MGAM: variants seen among roughly 807,000 people sequenced by gnomAD.
MGAM encodes alpha-1,4-glucosidase.
Under a neutral mutation model 358.8 loss-of-function variants are expected in MGAM, and 253 were observed. That is an observed-to-expected ratio of 0.71 (90% CI 0.64 to 0.78). The LOEUF is 0.78. MGAM is among the 30% of genes least tolerant of loss of function. The probability of loss-of-function intolerance (pLI) is 0.00; values close to 1 mark genes in which losing one functional copy is unlikely to be tolerated. For synonymous variants in MGAM, 1,105 were observed against 1,227.1 expected (o/e 0.90, Z 2.08); for missense variants, 3,080 against 3,432.6 (o/e 0.90, Z 2.57).
intron 67 of MGAM, 48 bp downstream of exon 67, chr7:142,099,785 A>G: frequency 6.2e-7 from 1 of 1,601,562 alleles, no homozygotes; most frequent in Non-Finnish European, 8.5e-7. Flanking sequence ...TTAGCTCAAC[A>G]ATTTGTAATG....
chr7:142,087,318 T>A (rs911301088), intron 57 of MGAM, among the ~76,000 whole-genome samples: 1 of 146,058 alleles, frequency 6.8e-6, no homozygotes, highest in Non-Finnish European at 1.5e-5. Flanking sequence ...TTGCTTGTAA[T>A]GGATCCAAGT....
rs192851507 is a variant in MGAM at position 142,001,050 on chromosome 7, T to C, written c.-2-4479T>C. The stretch of plus-strand genomic sequence containing the variant: ...CAGTGAACATAAGATTACTCTTTGC[T>C]TTATTAGTTAATTTAATTATACCAG... On this transcript the variant is annotated intron_variant, in intron 1 of 70. Coordinates refer to ENST00000475668, the MANE Select transcript of MGAM (RefSeq NM_001365693.1). Among the ~76,000 whole-genome samples the C allele has an allele frequency of 1.4e-4, 22 of 152,324 alleles. No homozygotes were observed. In the East Asian group the frequency reaches 3.9e-3, roughly 27 times the overall value.
In MGAM at chr7:142,076,378, T is replaced by C. The variant is rs375000903; in HGVS notation, c.5325+126T>C. 415 of 1,025,226 alleles carry C rather than the reference T, an allele frequency of 4.0e-4. 54 individuals carry two copies. In the Middle Eastern group the frequency reaches 4.3e-3, roughly 11 times the overall value. 63.5% of individuals were successfully genotyped at this position (1,025,226 alleles called of 1,614,324 possible). A position where few individuals can be genotyped will look rare whatever the true frequency, so the allele number is the denominator to read the frequency against. On this transcript the variant is annotated intron_variant, in intron 46 of 70. Transcript: ENST00000475668. The stretch of plus-strand genomic sequence containing the variant: ...GCATTATTGGCTATAGGTGAGCACA[T>C]TTCTATTTATGATTTCATCGATGTT...
chr7:142,102,235 G>A (rs1816503972), intron 68 of MGAM, among the ~76,000 whole-genome samples: 4 of 152,032 alleles, frequency 2.6e-5, no homozygotes, highest in Middle Eastern at 3.2e-3. Context: ...GCATATAAAT[G>A]TGTGTGTGGA....
In MGAM at chr7:142,071,047, C is replaced by T. The variant is rs765753129; in HGVS notation, c.5115C>T (p.Asp1705=). 20 of 1,556,306 alleles carry T rather than the reference C, an allele frequency of 1.3e-5. 4 individuals are homozygous for T. The highest frequency in any genetic ancestry group is 1.7e-5 in the Non-Finnish European group (19 of 1,132,608). The change falls in exon 44 of 71, where the codon GAC becomes GAT. Residue 1705 remains aspartate, a synonymous_variant. Coordinates refer to ENST00000475668, the MANE Select transcript of MGAM (RefSeq NM_001365693.1). ...GEWKTLPAPL[D]HINLHVRGGY... ...GGAAGACCTTGCCAGCCCCTCTTGA[C>T]CACATTAATCTTCATGTCCGTGGGG...
Position 142,027,155 on chromosome 7 carries a change from C to A in MGAM, c.1023C>A (p.Thr341=), listed in dbSNP as rs1807056097. The stretch of plus-strand genomic sequence containing the variant: ...CTGCGCCAGCCATCACTTACCGCAC[C>A]ATTGGGGGCATTCTCGACTTCTATG... ...LQPAPAITYR[T]IGGILDFYVF... is the part of the protein sequence containing the mutation. The change falls in exon 9 of 71, where the codon ACC becomes ACA. Residue 341 remains threonine (T), a synonymous_variant. Coordinates refer to ENST00000475668, the MANE Select transcript of MGAM (RefSeq NM_001365693.1). The A allele has an allele frequency of 3.7e-6, 6 of 1,613,634 alleles. No individual in the cohort carries two copies. The highest frequency in any genetic ancestry group is 1.1e-5 in the South Asian group (1 of 91,064).
chr7:142,055,816 G>A (rs1198565052), intron 28 of MGAM, 90 bp downstream of exon 28: 1 of 1,578,062 alleles, frequency 6.3e-7, no homozygotes, highest in African/African-American at 1.4e-5. Context: ...ACTCCACTTG[G>A]TCATCACATT....
chr7:142,058,836 C>T (rs1811816401), intron 31 of MGAM, among the ~76,000 whole-genome samples: 1 of 152,196 alleles, frequency 6.6e-6, no homozygotes, highest in Non-Finnish European at 1.5e-5. Context: ...CCTTATCCTT[C>T]AGTGGAGGAT....
chr7:142,019,651 C>T (rs1262721518), intron 4 of MGAM, among the ~76,000 whole-genome samples: 2 of 152,210 alleles, frequency 1.3e-5, no homozygotes, highest in African/African-American at 4.8e-5. Flanking sequence ...CTACTTCCAA[C>T]TGTAATTTTA....
Position 142,037,113 on chromosome 7 carries a change from C to T in MGAM, c.2231+136C>T. 3 of 892,844 alleles carry T rather than the reference C, an allele frequency of 3.4e-6. No homozygotes were observed. In the Admixed American group the frequency reaches 7.6e-5, roughly 23 times the overall value. 55.3% of individuals were successfully genotyped at this position (892,844 alleles called of 1,614,324 possible). On this transcript the variant is annotated intron_variant, in intron 18 of 70. Coordinates refer to ENST00000475668, the MANE Select transcript of MGAM (RefSeq NM_001365693.1). Reference sequence around the variant, plus strand: ...ATCTGTATCTATATCTGTAATCTAGCTATCTATATTCATTAATCTATCTAT... The same window carrying T: ...ATCTGTATCTATATCTGTAATCTAGTTATCTATATTCATTAATCTATCTAT...
At chr7:142,032,968 T>G in intron 14 of MGAM, 59 bp downstream of exon 14, 1 of 1,207,298 alleles carries the variant, frequency 8.3e-7, no homozygotes, top group South Asian at 1.4e-5. Context: ...TATAAATTCA[T>G]AAGGACAGAT....
At position 142,105,906 on chromosome 7, in the gene MGAM, A is replaced by T. The variant is rs182938702; in HGVS notation, c.*15A>T. The T allele has an allele frequency of 7.8e-5, 122 of 1,567,256 alleles. 1 individual carries two copies. The Admixed American group carries it at 2.0e-3, about 25-fold the overall frequency. ...GCACTCTGTGAATTTTTACAGCAAG[A>T]TTCTAACTAACTATGAATGACTTTG... On this transcript the variant is annotated 3_prime_UTR_variant, in exon 71 of 71. Coordinates refer to ENST00000475668, the MANE Select transcript of MGAM (RefSeq NM_001365693.1).
intron 40 of MGAM, 132 bp downstream of exon 40, chr7:142,065,963 G>GT (rs1218271387): frequency 4.3e-5 from 33 of 760,422 alleles, no homozygotes; most frequent in African/African-American, 8.6e-5. Flanking sequence ...GTTTTGTTTT[G>GT]TTTTGTTTTT....
At chr7:142,063,144 G>A (rs1014599037) in intron 35 of MGAM, among the ~76,000 whole-genome samples, 2 of 152,054 alleles carry the variant, frequency 1.3e-5, no homozygotes, top group African/African-American at 4.8e-5. Context: ...TTTGCAGTGA[G>A]CCAGGATCGC....
Position 142,093,505 on chromosome 7 carries a change from A to G in MGAM, c.7127A>G (p.Asn2376Ser). ...LPDGSPVQHYNVHNLYGWSQT... is the reference protein window; with the variant it reads ...LPDGSPVQHYSVHNLYGWSQT... ...GACGGCTCCCCGGTGCAGCACTACA[A>G]TGTGCACAACCTGTACGGGTGGTCC... The change falls in exon 60 of 71, where the codon AAT becomes AGT. Residue 2376 changes from asparagine to serine, a missense_variant. Around this residue, in one of 5 missense-constraint regions of MGAM, gnomAD observed 932 missense variants for 1,198.2 expected, o/e 0.78. Coordinates refer to ENST00000475668, the MANE Select transcript of MGAM (RefSeq NM_001365693.1). The G allele has an allele frequency of 1.3e-6, 2 of 1,510,896 alleles. No homozygotes were observed. Among genetic ancestry groups the G allele is most frequent in the South Asian group, 2.4e-5 (2 of 83,278 alleles). 93.6% of individuals were successfully genotyped at this position (1,510,896 alleles called of 1,614,324 possible). A position where few individuals can be genotyped will look rare whatever the true frequency, so the allele number is the denominator to read the frequency against.
Position 142,086,278 on chromosome 7 carries a change from G to T in MGAM, c.6697G>T (p.Asp2233Tyr), listed in dbSNP as rs748936346. ...PYPAFTRGVE[D>Y]DVFIKYPNDG... ...TCCTGCCTTCACTCGGGGCGTGGAG[G>T]ATGACGTCTTCATCAAGTACCCAAA... The change falls in exon 56 of 71, where the codon GAT becomes TAT. Residue 2233 changes from aspartate to tyrosine, a missense_variant. Around this residue, in one of 5 missense-constraint regions of MGAM, gnomAD observed 932 missense variants for 1,198.2 expected, o/e 0.78. Coordinates refer to ENST00000475668, the MANE Select transcript of MGAM (RefSeq NM_001365693.1). 1 of 1,544,130 alleles carries T rather than the reference G, an allele frequency of 6.5e-7. No homozygotes were observed. Among genetic ancestry groups the T allele is most frequent in the South Asian group, 1.1e-5 (1 of 87,242 alleles).
At chr7:142,102,068 C>T (rs1489395677) in intron 68 of MGAM, among the ~76,000 whole-genome samples, 1 of 152,108 alleles carries the variant, frequency 6.6e-6, no homozygotes. Flanking sequence ...TGCTGAACTT[C>T]ATATTCTTCC....
chr7:142,041,390 T>C (rs1808520133), intron 21 of MGAM, among the ~76,000 whole-genome samples: 2 of 152,086 alleles, frequency 1.3e-5, no homozygotes, highest in South Asian at 2.1e-4. Context: ...CTCTTACTGC[T>C]TTAATTTTCC....
chr7:142,018,249 C>T (rs782361327), intron 3 of MGAM, among the ~76,000 whole-genome samples: 1 of 152,162 alleles, frequency 6.6e-6, no homozygotes, highest in African/African-American at 2.4e-5. Context: ...TAGGATTCAG[C>T]TCTTCAGGTG....
Sources: gnomAD v4.1 joint callset for allele counts (sites outside exome capture counted in the v4.1 genomes callset) on GRCh38, gnomAD v4.1.1 for gene constraint, gnomAD v4.1.1 regional missense constraint, MANE v1.5 for transcripts, NCBI Gene and HGNC (gene_info 2026-07-23, HGNC 2026-07-21) for gene names.